Variants in GGPS1 observed in about 807,000 individuals in gnomAD.
GGPS1 encodes geranylgeranyl diphosphate synthase 1.
A neutral mutation model predicts 28.1 loss-of-function variants in GGPS1; 15 were observed. The observed-to-expected ratio is 0.53, with a 90% CI of 0.36 to 0.82. The LOEUF is 0.82. Among genes scored for constraint, GGPS1 ranks in the 40% least tolerant of loss-of-function variants. The pLI is 0.01. For missense variants in GGPS1, 284 were observed against 348.3 expected, an observed-to-expected ratio of 0.82 and a Z score of 1.47; for synonymous variants, 138 against 122.4, an observed-to-expected ratio of 1.13 and a Z score of -0.84.
chr1:235,327,836 C>T (rs565110601), upstream of GGPS1: 1 of 152,594 alleles, frequency 6.6e-6, no homozygotes, highest in Non-Finnish European at 1.5e-5. Context: ...CCCCCAAAAC[C>T]AGCAGGCCCG....
Position 235,341,761 on chromosome 1 carries a change from C to T in GGPS1, c.124C>T (p.Pro42Ser). The change falls in exon 3 of 4, where the codon CCA (proline) becomes TCA (serine). Residue 42 changes from proline to serine, a missense_variant. Coordinates refer to ENST00000282841, the MANE Select transcript of GGPS1 (RefSeq NM_004837.4). Reference protein sequence around the residue: ...SQAFNHWLKVPEDKLQIIIEV... With the variant: ...SQAFNHWLKVSEDKLQIIIEV... Reference sequence around the variant, plus strand: ...GGCATTTAATCATTGGCTGAAAGTTCCAGAGGACAAGCTACAGGTATTAGG... The same window carrying T: ...GGCATTTAATCATTGGCTGAAAGTTTCAGAGGACAAGCTACAGGTATTAGG... 2 of 1,594,566 alleles carry T rather than the reference C, an allele frequency of 1.3e-6. No homozygotes were observed. The highest frequency in any genetic ancestry group is 1.7e-6 in the Non-Finnish European group (2 of 1,162,332).
At chr1:235,338,389 A>G (rs1675928800) in intron 2 of GGPS1, among the ~76,000 whole-genome samples, 1 of 152,042 alleles carries the variant, frequency 6.6e-6, no homozygotes, top group Admixed American at 6.6e-5. Flanking sequence ...CTCAGAAAAA[A>G]AAAAGGGGGG....
intron 2 of GGPS1, chr1:235,336,757 T>C (rs924587073): frequency 2.0e-5 from 3 of 152,286 alleles, no homozygotes; most frequent in African/African-American, 7.2e-5. Flanking sequence ...ATAGACACTT[T>C]TAAATTTCCG....
In GGPS1 at chr1:235,342,453, C is replaced by T; in HGVS notation, c.584C>T (p.Ser195Phe). 1 of 1,612,556 alleles carries T rather than the reference C, an allele frequency of 6.2e-7. No individual in the cohort carries two copies. The highest frequency in any genetic ancestry group is 8.5e-7 in the Non-Finnish European group (1 of 1,178,702). Residue 195 changes from serine (S) to phenylalanine (F), a missense_variant, in exon 4 of 4, where the codon TCC becomes TTC. Physicochemically the swap from Ser to Phe is radical, Grantham distance 155. Coordinates refer to ENST00000282841, the MANE Select transcript of GGPS1 (RefSeq NM_004837.4). ...AGGGATGATTATGCTAATCTACACT[C>T]CAAAGAATATAGTGAAAACAAAAGT... Reference protein sequence around the residue: ...QIRDDYANLHSKEYSENKSFC... With the variant: ...QIRDDYANLHFKEYSENKSFC...
chr1:235,343,459 G>A lies in GGPS1; in HGVS notation c.*687G>A, dbSNP rs1676116937. 6.2e-6 allele frequency: 1 copy of A among 161,884 alleles called. No homozygotes were observed. 10.0% of individuals were successfully genotyped at this position (161,884 alleles called of 1,614,324 possible). The stretch of plus-strand genomic sequence containing the variant: ...CCAGCTACTCGGGAGGCTGAGGCAG[G>A]AGAATGGTGTGAACCCAGGAGGCGG... On this transcript the variant is annotated 3_prime_UTR_variant, in exon 4 of 4. Coordinates refer to ENST00000282841, the MANE Select transcript of GGPS1 (RefSeq NM_004837.4).
rs148735393 is a variant in GGPS1, at chr1:235,331,683, T to G, written c.-24+2905T>G. 2.4e-4 allele frequency among the ~76,000 whole-genome samples: 36 copies of G among 152,130 alleles called. No individual in the cohort carries two copies. In the East Asian group the frequency reaches 6.2e-3, roughly 26 times the overall value. On this transcript the variant is annotated intron_variant, in intron 1 of 3. Transcript: ENST00000282841. ...AGCTTTCATCATATTCTCAAAAGGT[T>G]TCTGTGACCCATGAGATGGTTTACA... is the stretch of plus-strand genomic sequence containing the variant.
At chr1:235,340,533 G>A (rs1465388368) in intron 2 of GGPS1, among the ~76,000 whole-genome samples, 58 of 150,970 alleles carry the variant, frequency 3.8e-4, no homozygotes, top group Admixed American at 1.1e-3. Flanking sequence ...TCAGGAGATC[G>A]AGACCATCCT....
rs887083527 is a variant in GGPS1, at chr1:235,328,596, T to G, written c.-206T>G. 1 of 152,976 alleles carries G rather than the reference T, an allele frequency of 6.5e-6. No individual in the cohort carries two copies. The highest frequency in any genetic ancestry group is 2.4e-5 in the African/African-American group (1 of 41,440). The allele number at this position is 152,976 out of a possible 1,614,324, so 9.5% of individuals were successfully genotyped here. A position where few individuals can be genotyped will look rare whatever the true frequency, so the allele number is the denominator to read the frequency against. ...GTGTGACCGGGATGGCGCATTTTCTTGCACCAACTAATGCGGTGTCGCTGG... is the reference window on the plus strand; with the variant it reads ...GTGTGACCGGGATGGCGCATTTTCTGGCACCAACTAATGCGGTGTCGCTGG... On this transcript the variant is annotated 5_prime_UTR_variant, in exon 1 of 4. Coordinates refer to ENST00000282841, the MANE Select transcript of GGPS1 (RefSeq NM_004837.4).
At chr1:235,339,442 C>T (rs1307340165) in intron 2 of GGPS1, among the ~76,000 whole-genome samples, 1 of 150,664 alleles carries the variant, frequency 6.6e-6, no homozygotes. Context: ...CATTGCTTTC[C>T]AGCCTAGGTG....
At chr1:235,337,261 C>T (rs897575298) in intron 2 of GGPS1, among the ~76,000 whole-genome samples, 1 of 150,646 alleles carries the variant, frequency 6.6e-6, no homozygotes, top group Non-Finnish European at 1.5e-5. Flanking sequence ...CTGCTACTTA[C>T]AAAGCAAGGA....
chr1:235,327,225 G>A (rs1342450433), upstream of GGPS1: 4 of 307,658 alleles, frequency 1.3e-5, no homozygotes, highest in Non-Finnish European at 2.4e-5. Flanking sequence ...CGACAATGAC[G>A]CCATTTCTGT....
upstream of GGPS1, chr1:235,328,306 A>T (rs1422292347): frequency 6.7e-6 from 1 of 149,302 alleles, no homozygotes; most frequent in African/African-American, 2.5e-5. Context: ...AAAGTTCTTT[A>T]GAACCCGCCT....
At chr1:235,340,075 G>A (rs548069031) in intron 2 of GGPS1, among the ~76,000 whole-genome samples, 4 of 152,250 alleles carry the variant, frequency 2.6e-5, no homozygotes, top group African/African-American at 7.2e-5. Flanking sequence ...GAGGTTGCAA[G>A]TGAGCCGAGA....
At chr1:235,332,845 A>G (rs372866556) in intron 1 of GGPS1, among the ~76,000 whole-genome samples, 36 of 152,104 alleles carry the variant, frequency 2.4e-4, no homozygotes, top group African/African-American at 8.2e-4. Context: ...ATTACTTAAC[A>G]TTATGAAGTT....
intron 1 of GGPS1, chr1:235,330,681 ACAT>A (rs934402714): frequency 2.6e-4 from 40 of 152,354 alleles, no homozygotes; most frequent in African/African-American, 9.4e-4. Flanking sequence ...TTGAAAAATA[ACAT>A]CAACCACAAA....
At chr1:235,337,983 A>G (rs888860504) in intron 2 of GGPS1, among the ~76,000 whole-genome samples, 1 of 152,148 alleles carries the variant, frequency 6.6e-6, no homozygotes, top group Non-Finnish European at 1.5e-5. Context: ...CAGTGGAGGA[A>G]GAAGGGCTCC....
At position 235,344,298 on chromosome 1, in the gene GGPS1, C is replaced by T. The variant is rs557001525; in HGVS notation, c.*1526C>T. The T allele has an allele frequency of 6.0e-6, 1 of 167,044 alleles. No individual in the cohort carries two copies. Among genetic ancestry groups the T allele is most frequent in the East Asian group, 1.9e-4 (1 of 5,192 alleles). 10.3% of individuals were successfully genotyped at this position (167,044 alleles called of 1,614,324 possible). A position where few individuals can be genotyped will look rare whatever the true frequency, so the allele number is the denominator to read the frequency against. On this transcript the variant is annotated 3_prime_UTR_variant, in exon 4 of 4. Coordinates refer to ENST00000282841, the MANE Select transcript of GGPS1 (RefSeq NM_004837.4). The stretch of plus-strand genomic sequence containing the variant: ...TTTACCATATATTTGTATGAGAAAT[C>T]CTCACCCAAGCATTCAACCTAAATC...
At chr1:235,335,899 G>A (rs1225054116) in intron 2 of GGPS1, among the ~76,000 whole-genome samples, 1 of 152,090 alleles carries the variant, frequency 6.6e-6, no homozygotes, top group Non-Finnish European at 1.5e-5. Flanking sequence ...TACCTTCTAT[G>A]TCTGTATTTT....
chr1:235,335,231 C>A lies in GGPS1; in HGVS notation c.-23-11C>A. The A allele has an allele frequency of 8.9e-7, 1 of 1,122,444 alleles. No homozygotes were observed. The highest frequency in any genetic ancestry group is 1.3e-6 in the Non-Finnish European group (1 of 748,312). The allele number at this position is 1,122,444 out of a possible 1,614,324, so 69.5% of individuals were successfully genotyped here. The stretch of plus-strand genomic sequence containing the variant: ...GTTTCATGTGATCTTTATGTTTCTC[C>A]TTTTTGACAGATTAGCTTTGAAGTT... On this transcript the variant is annotated splice_polypyrimidine_tract_variant and intron_variant, in intron 1 of 3. Coordinates refer to ENST00000282841, the MANE Select transcript of GGPS1 (RefSeq NM_004837.4).
Sources: allele counts gnomAD v4.1 joint callset (sites outside exome capture counted in the v4.1 genomes callset), GRCh38; gene constraint gnomAD v4.1.1; transcripts MANE v1.5; gene names NCBI Gene and HGNC (gene_info 2026-07-23, HGNC 2026-07-21).